RTL9: variants seen among roughly 807,000 people sequenced by gnomAD.
RTL9 encodes retrotransposon Gag like 9, also known as retrotransposon Gag-like protein 9.
In RTL9, 19 loss-of-function variants were observed where a neutral mutation model predicts 44.7. That is an observed-to-expected ratio of 0.42 (90% CI 0.30 to 0.62). RTL9 has a LOEUF of 0.62. Ranked by LOEUF, RTL9 falls within the 20% of genes least tolerant of loss-of-function variation. The probability of loss-of-function intolerance (pLI) is 0.16; values close to 1 mark genes in which losing one functional copy is unlikely to be tolerated. For synonymous variants in RTL9, 407 were observed against 398.9 expected, an observed-to-expected ratio of 1.02 and a Z score of -0.24; for missense variants, 1,105 against 1,080.6, an observed-to-expected ratio of 1.02 and a Z score of -0.32.
chrX:110,405,094 C>A (rs868407925), intron 1 of RTL9, among the ~76,000 whole-genome samples: 8 of 100,260 alleles, frequency 8.0e-5, no homozygotes, highest in African/African-American at 1.5e-4. Context: ...TGTGTCCCCC[C>A]CCCCCCCAAG....
intron 1 of RTL9, among the ~76,000 whole-genome samples, chrX:110,391,806 A>G (rs1358616202): frequency 8.9e-6 from 1 of 112,478 alleles, no homozygotes; most frequent in African/African-American, 3.2e-5. Flanking sequence ...CGAACAGCAT[A>G]GTCGTTGAAC....
chrX:110,419,684 G>C (rs1027337082), intron 1 of RTL9, among the ~76,000 whole-genome samples: 1 of 111,657 alleles, frequency 9.0e-6, no homozygotes, highest in Non-Finnish European at 1.9e-5. Context: ...CAGACATATG[G>C]TTGCTGAGGG....
chrX:110,448,346 G>T (rs1012024554), upstream of RTL9, among the ~76,000 whole-genome samples: 1 of 110,728 alleles, frequency 9.0e-6, no homozygotes, highest in Admixed American at 9.6e-5. Flanking sequence ...CATATCAGTT[G>T]CAGTGCCTGG....
chrX:110,451,949 C>T, exon 1 of RTL9: 1 of 1,211,739 alleles, frequency 8.3e-7, no homozygotes, highest in Non-Finnish European at 1.1e-6. Context: ...TGATGACAGT[C>T]CCAAGCTCTG....
At chrX:110,405,091 C>G (rs1452462100) in intron 1 of RTL9, among the ~76,000 whole-genome samples, 1 of 81,339 alleles carries the variant, frequency 1.2e-5, no homozygotes, top group Non-Finnish European at 2.2e-5. Flanking sequence ...TGTTGTGTCC[C>G]CCCCCCCCCC....
chrX:110,431,739 A>G (rs925503893), intron 1 of RTL9, among the ~76,000 whole-genome samples: 1 of 111,701 alleles, frequency 9.0e-6, no homozygotes, highest in African/African-American at 3.3e-5. Flanking sequence ...TCTTTCTCAT[A>G]CGCCCTTGAC....
chrX:110,377,464 GCTTT>G (rs1217502621), intron 1 of RTL9, among the ~76,000 whole-genome samples: 4 of 111,250 alleles, frequency 3.6e-5, no homozygotes, highest in Non-Finnish European at 5.7e-5. Context: ...GAATTTCTTG[GCTTT>G]CTTTTTTTCT....
intron 1 of RTL9, among the ~76,000 whole-genome samples, chrX:110,399,421 A>G (rs1191252198): frequency 8.9e-6 from 1 of 112,440 alleles, no homozygotes; most frequent in Non-Finnish European, 1.9e-5. Flanking sequence ...ACAATGTTGA[A>G]TTTGCGCTCA....
At chrX:110,438,658 A>G (rs900800604) in intron 1 of RTL9, among the ~76,000 whole-genome samples, 1 of 111,421 alleles carries the variant, frequency 9.0e-6, no homozygotes, top group Admixed American at 9.5e-5. Flanking sequence ...TCTCCACCAG[A>G]CATAAGGTGG....
intron 1 of RTL9, among the ~76,000 whole-genome samples, chrX:110,402,217 G>T (rs1301417791): frequency 8.8e-6 from 1 of 113,115 alleles, no homozygotes; most frequent in Non-Finnish European, 1.9e-5. Context: ...GACAAGAGCT[G>T]CCTTGGCAGC....
chrX:110,393,371 C>T (rs938190073), intron 1 of RTL9, among the ~76,000 whole-genome samples: 1 of 112,078 alleles, frequency 8.9e-6, no homozygotes, highest in African/African-American at 3.2e-5. Context: ...TTACTATGTA[C>T]CAGGTGCTTT....
At chrX:110,397,997 A>C (rs776822837) in intron 1 of RTL9, among the ~76,000 whole-genome samples, 1 of 112,507 alleles carries the variant, frequency 8.9e-6, no homozygotes, top group East Asian at 2.8e-4. Flanking sequence ...ACTACCTGCA[A>C]GTCTTAGCAT....
intron 1 of RTL9, among the ~76,000 whole-genome samples, chrX:110,376,322 G>C (rs2068376190): frequency 9.0e-6 from 1 of 110,816 alleles, no homozygotes; most frequent in Non-Finnish European, 1.9e-5. Flanking sequence ...TGTCCAGGAA[G>C]CTGGTCTTGG....
intron 1 of RTL9, among the ~76,000 whole-genome samples, chrX:110,428,831 G>A (rs772091746): frequency 2.7e-5 from 3 of 112,094 alleles, no homozygotes; most frequent in African/African-American, 9.7e-5. Flanking sequence ...GTGGAACCCC[G>A]TGTTAAAATA....
At chrX:110,426,794 A>C (rs1034478226) in intron 1 of RTL9, 20 of 111,493 alleles carry the variant, frequency 1.8e-4, no homozygotes, top group Non-Finnish European at 1.9e-5. Context: ...CAAGGTGAGG[A>C]CTCATGGTGC....
chrX:110,432,463 G>A (rs944296786), intron 1 of RTL9, among the ~76,000 whole-genome samples: 1 of 112,276 alleles, frequency 8.9e-6, no homozygotes, highest in Non-Finnish European at 1.9e-5. Context: ...AGCTGGAGAA[G>A]GCGCTGTCTG....
At chrX:110,455,394 A>G in exon 2 of RTL9, 1 of 1,124,696 alleles carries the variant, frequency 8.9e-7, no homozygotes, top group Non-Finnish European at 1.2e-6. Flanking sequence ...GACCCATTCC[A>G]TTAAACTACA....
exon 1 of RTL9, chrX:110,453,698 G>A (rs756983625): frequency 2.5e-6 from 3 of 1,210,049 alleles, no homozygotes; most frequent in Non-Finnish European, 3.4e-6. Flanking sequence ...CTGGAGCAAG[G>A]TCCACATCAT....
At chrX:110,373,874 A>G (rs1285652976) in intron 1 of RTL9, among the ~76,000 whole-genome samples, 2 of 112,366 alleles carry the variant, frequency 1.8e-5, no homozygotes. Flanking sequence ...CCCCAATGAA[A>G]TATTTAAAAA....
Sources: allele counts gnomAD v4.1 joint callset (sites outside exome capture counted in the v4.1 genomes callset), GRCh38; gene constraint gnomAD v4.1.1; transcripts MANE v1.5; gene names NCBI Gene and HGNC (gene_info 2026-07-23, HGNC 2026-07-21).